Variants in HADH observed in about 807,000 individuals in gnomAD.
HADH encodes the protein hydroxyacyl-coenzyme A dehydrogenase, mitochondrial.
HADH carries 24 observed loss-of-function variants against 32.2 expected under a neutral mutation model. The observed-to-expected ratio is 0.75, with a 90% CI of 0.54 to 1.05. The LOEUF (loss-of-function observed/expected upper bound fraction) is 1.05, where lower values mean the gene tolerates loss of function less well. Ranked by LOEUF, HADH falls within the 50% of genes least tolerant of loss-of-function variation. The pLI is 0.00. For synonymous variants in HADH, 139 were observed against 152.5 expected (o/e 0.91, Z 0.65); for missense variants, 350 against 397.1 (o/e 0.88, Z 1.01).
intron 1 of HADH, among the ~76,000 whole-genome samples, chr4:108,000,359 G>A (rs1053361310): frequency 3.3e-5 from 5 of 152,218 alleles, no homozygotes; most frequent in Non-Finnish European, 7.3e-5. Context: ...TATTTCAAGT[G>A]TATCATTCAT....
At chr4:107,998,088 C>G (rs1735009568) in intron 1 of HADH, among the ~76,000 whole-genome samples, 1 of 152,152 alleles carries the variant, frequency 6.6e-6, no homozygotes, top group Admixed American at 6.5e-5. Flanking sequence ...CACAGCCAGG[C>G]AGGGTCTAGG....
intron 6 of HADH, 113 bp from the exon 7 acceptor site, chr4:108,033,063 C>T: frequency 2.6e-6 from 2 of 776,860 alleles, no homozygotes; most frequent in Admixed American, 3.5e-5. Context: ...TCAGTCTAGG[C>T]ATTTTTTTTA....
intron 2 of HADH, among the ~76,000 whole-genome samples, chr4:108,010,832 T>C (rs1317215406): frequency 1.3e-5 from 2 of 151,864 alleles, no homozygotes; most frequent in African/African-American, 2.4e-5. Flanking sequence ...TGTTGTAACA[T>C]GTGTCACAAC....
rs189216454 is a variant in HADH, at chr4:107,994,247, C to G, written c.132+4183C>G. Among the ~76,000 whole-genome samples, 401 of 150,898 alleles carry G rather than the reference C, an allele frequency of 2.7e-3. 3 individuals carry two copies. Among genetic ancestry groups the G allele is most frequent in the African/African-American group, 8.9e-3 (366 of 41,152 alleles). On this transcript the variant is annotated intron_variant, in intron 1 of 7. Coordinates refer to ENST00000309522, the MANE Select transcript of HADH (RefSeq NM_005327.7). Reference sequence around the variant, plus strand: ...TCCCAAAGCTTGCTTTTTTTTTTTCCTCCTTTTTAAAAAGCAGAAAGTGCA... The same window carrying G: ...TCCCAAAGCTTGCTTTTTTTTTTTCGTCCTTTTTAAAAAGCAGAAAGTGCA...
At chr4:108,007,573 C>G (rs929448346) in intron 1 of HADH, among the ~76,000 whole-genome samples, 2 of 152,160 alleles carry the variant, frequency 1.3e-5, no homozygotes, top group African/African-American at 4.8e-5. Context: ...AGTACCATAG[C>G]CTGTCGAACC....
At chr4:108,023,044 A>G (rs1471052899) in intron 4 of HADH, among the ~76,000 whole-genome samples, 1 of 143,742 alleles carries the variant, frequency 7.0e-6, no homozygotes, top group African/African-American at 2.6e-5. Flanking sequence ...CCCAGGCTGG[A>G]GTGCAGTGGC....
intron 4 of HADH, among the ~76,000 whole-genome samples, chr4:108,022,272 AT>A (rs1735919039): frequency 3.9e-4 from 2 of 5,114 alleles, no homozygotes; most frequent in Non-Finnish European, 1.2e-3. Context: ...CTGTTTAAAA[AT>A]ATATATATAT....
intron 1 of HADH, among the ~76,000 whole-genome samples, chr4:107,995,157 T>C (rs1196062520): frequency 6.6e-6 from 1 of 152,152 alleles, no homozygotes; most frequent in Non-Finnish European, 1.5e-5. Context: ...GTTATATTCA[T>C]GATGTTATTA....
At chr4:108,016,626 G>C (rs540103836) in intron 3 of HADH, among the ~76,000 whole-genome samples, 10 of 152,342 alleles carry the variant, frequency 6.6e-5, no homozygotes, top group Non-Finnish European at 1.5e-4. Context: ...TGGTGACAGT[G>C]AAAGGCCTGA....
intron 3 of HADH, among the ~76,000 whole-genome samples, chr4:108,017,384 CTT>C (rs997979054): frequency 3.9e-5 from 6 of 152,110 alleles, no homozygotes; most frequent in Admixed American, 1.3e-4. Context: ...CACCAACCCT[CTT>C]GTCTTCTTTA....
In HADH at chr4:108,006,331, C is replaced by G. The variant is rs141927988; in HGVS notation, c.133-3428C>G. ...GCAACCTAGGAGTGGCTGGTGTAGA[C>G]AGGGATAGGGATCAGAGCCGACAGG... On this transcript the variant is annotated intron_variant, in intron 1 of 7. Coordinates refer to ENST00000309522, the MANE Select transcript of HADH (RefSeq NM_005327.7). Among the ~76,000 whole-genome samples the G allele has an allele frequency of 4.1e-3, 623 of 152,086 alleles. 3 individuals are homozygous for G. The highest frequency in any genetic ancestry group is 6.5e-3 in the Non-Finnish European group (444 of 67,974).
chr4:107,993,254 A>C (rs1052833392), intron 1 of HADH, among the ~76,000 whole-genome samples: 1 of 152,194 alleles, frequency 6.6e-6, no homozygotes, highest in Non-Finnish European at 1.5e-5. Context: ...AATATTGGTC[A>C]TGATTCCCTG....
At chr4:108,017,299 C>T (rs140597433) in intron 3 of HADH, among the ~76,000 whole-genome samples, 26 of 152,238 alleles carry the variant, frequency 1.7e-4, no homozygotes, top group African/African-American at 5.5e-4. Flanking sequence ...TATGACCAGA[C>T]GCACAGGCAG....
rs7695541 is a variant in HADH, at chr4:108,003,224, A to G, written c.133-6535A>G. On this transcript the variant is annotated intron_variant, in intron 1 of 7. Coordinates refer to ENST00000309522, the MANE Select transcript of HADH (RefSeq NM_005327.7). The stretch of plus-strand genomic sequence containing the variant: ...CTGGGAAGTCCAAGATCAAGGTACC[A>G]GCTTTGGTGTCTGGTGCAGACCTAC... 2.2e-3 allele frequency among the ~76,000 whole-genome samples: 338 copies of G among 151,628 alleles called. 1 individual carries two copies. The highest frequency in any genetic ancestry group is 7.6e-3 in the African/African-American group (315 of 41,372).
intron 5 of HADH, 122 bp from the exon 6 acceptor site, chr4:108,027,566 G>A (rs901187264): frequency 1.3e-6 from 1 of 755,204 alleles, no homozygotes. Flanking sequence ...TTTTGAAAAT[G>A]TACAGCTTGA....
chr4:108,032,664 A>C, intron 6 of HADH: 1 of 362,886 alleles, frequency 2.8e-6, no homozygotes, highest in East Asian at 4.8e-5. Flanking sequence ...CAGTACTCCA[A>C]AATTCACCTC....
At chr4:107,997,753 T>C (rs1169329664) in intron 1 of HADH, among the ~76,000 whole-genome samples, 5 of 152,112 alleles carry the variant, frequency 3.3e-5, no homozygotes, top group African/African-American at 9.7e-5. Flanking sequence ...TTGATTTAAA[T>C]TGTGGTCACT....
intron 4 of HADH, among the ~76,000 whole-genome samples, chr4:108,022,203 G>A (rs866162823): frequency 1.6e-5 from 2 of 125,754 alleles, no homozygotes; most frequent in African/African-American, 3.4e-5. Context: ...GTGTGTGTAT[G>A]TGTGTGTGTG....
Position 108,033,172 on chromosome 4 carries a change from T to A in HADH, c.710-4T>A. ...GTGACCCAGTGCTGCCGTTTTCTCC[T>A]TAGGTGACGCATCCAAAGAAGACAT... is the stretch of plus-strand genomic sequence containing the variant. On this transcript the variant is annotated splice_region_variant and splice_polypyrimidine_tract_variant and intron_variant, in intron 6 of 7. Transcript: ENST00000309522. 6.6e-7 allele frequency: 1 copy of A among 1,513,974 alleles called. No homozygotes were observed. Among genetic ancestry groups the A allele is most frequent in the Non-Finnish European group, 9.2e-7 (1 of 1,088,778 alleles). The allele number at this position is 1,513,974 out of a possible 1,614,324, so 93.8% of individuals were successfully genotyped here. A position where few individuals can be genotyped will look rare whatever the true frequency, so the allele number is the denominator to read the frequency against.
Sources: gnomAD v4.1 joint callset for allele counts (sites outside exome capture counted in the v4.1 genomes callset) on GRCh38, gnomAD v4.1.1 for gene constraint, MANE v1.5 for transcripts, NCBI Gene and HGNC (gene_info 2026-07-23, HGNC 2026-07-21) for gene names.